Variants in CEP170 observed in about 807,000 individuals in gnomAD.
The protein encoded by CEP170 is centrosomal protein 170.
CEP170 carries 21 observed loss-of-function variants against 151.9 expected under a neutral mutation model. The ratio of observed to expected loss-of-function variants is 0.14; its 90% CI spans 0.10 to 0.20. The LOEUF is 0.20. Among genes scored for constraint, CEP170 ranks in the 10% least tolerant of loss-of-function variants. The probability of loss-of-function intolerance (pLI) is 1.00; values close to 1 mark genes in which losing one functional copy is unlikely to be tolerated. For missense variants in CEP170, 964 were observed against 1,892.9 expected, an observed-to-expected ratio of 0.51 and a Z score of 9.11; for synonymous variants, 356 against 648.8, an observed-to-expected ratio of 0.55 and a Z score of 6.86.
chr1:243,171,694 T>C (rs972367312), intron 11 of CEP170, among the ~76,000 whole-genome samples: 4 of 152,210 alleles, frequency 2.6e-5, no homozygotes, highest in African/African-American at 9.6e-5. Context: ...ATATCATTTC[T>C]GATAAAGGTA....
In CEP170 at chr1:243,164,925, C is replaced by A. The variant is rs1466189731; in HGVS notation, c.3035G>T (p.Ser1012Ile). The change falls in exon 13 of 20, where the codon AGT (serine) becomes ATT (isoleucine). Residue 1012 changes from serine (S) to isoleucine (I), a missense_variant. Transcript: ENST00000366542. ...RADGRKFVQSSGRIRQPSVDL... is the reference protein window; with the variant it reads ...RADGRKFVQSIGRIRQPSVDL... ...TACTGAGGGCTGTCTTATTCTCCCA[C>A]TGGACTGAACAAATTTACGACCATC... 6.2e-7 allele frequency: 1 copy of A among 1,613,762 alleles called. No individual in the cohort carries two copies. The highest frequency in any genetic ancestry group is 8.5e-7 in the Non-Finnish European group (1 of 1,179,754).
chr1:243,249,537 G>A (rs894837693), intron 1 of CEP170, among the ~76,000 whole-genome samples: 1 of 152,184 alleles, frequency 6.6e-6, no homozygotes, highest in African/African-American at 2.4e-5. Context: ...CAGATAAGAT[G>A]TAGGGTGAAA....
intron 13 of CEP170, among the ~76,000 whole-genome samples, chr1:243,161,459 T>C (rs368037027): frequency 2.6e-5 from 4 of 152,182 alleles, no homozygotes; most frequent in Non-Finnish European, 4.4e-5. Flanking sequence ...TTTTATCACA[T>C]ACATTTCTTT....
At chr1:243,178,549 T>G (rs2059407444) in intron 10 of CEP170, among the ~76,000 whole-genome samples, 1 of 152,066 alleles carries the variant, frequency 6.6e-6, no homozygotes, top group Non-Finnish European at 1.5e-5. Context: ...GATCATGAGA[T>G]TTGGTTTTGC....
intron 1 of CEP170, among the ~76,000 whole-genome samples, chr1:243,239,473 A>T (rs917801916): frequency 6.6e-6 from 1 of 152,206 alleles, no homozygotes; most frequent in Admixed American, 6.5e-5. Flanking sequence ...ACATTTATAA[A>T]AGTAAATGTA....
At chr1:243,207,088 A>G (rs538697650) in intron 4 of CEP170, among the ~76,000 whole-genome samples, 14 of 152,366 alleles carry the variant, frequency 9.2e-5, no homozygotes, top group South Asian at 2.1e-4. Flanking sequence ...ATCAATTATC[A>G]CAATAAATGT....
At chr1:243,209,743 G>A (rs1004560233) in intron 4 of CEP170, among the ~76,000 whole-genome samples, 1 of 151,396 alleles carries the variant, frequency 6.6e-6, no homozygotes, top group Non-Finnish European at 1.5e-5. Flanking sequence ...ACAGTGGCAC[G>A]ATCTCGGCTC....
chr1:243,162,672 A>C (rs962081789), intron 13 of CEP170, among the ~76,000 whole-genome samples: 3 of 152,310 alleles, frequency 2.0e-5, no homozygotes, highest in Non-Finnish European at 2.9e-5. Flanking sequence ...TCGAGGAATA[A>C]AACCACATCA....
chr1:243,185,749 T>A lies in CEP170; in HGVS notation c.1566+30A>T. The A allele has an allele frequency of 3.8e-6, 6 of 1,558,472 alleles. No homozygotes were observed. Among genetic ancestry groups the A allele is most frequent in the Non-Finnish European group, 5.2e-6 (6 of 1,154,138 alleles). ...CCAGTCAAATACACCACACAACAAC[T>A]AAGATCACACTCAAATTTCAATTAT... is the stretch of plus-strand genomic sequence containing the variant. On this transcript the variant is annotated intron_variant, in intron 10 of 19. Coordinates refer to ENST00000366542, the MANE Select transcript of CEP170 (RefSeq NM_014812.3). The surrounding 1 kb of genome is among the most constrained non-coding windows in gnomAD (Gnocchi z 4.9).
chr1:243,218,905 G>A (rs2062548558), intron 3 of CEP170, among the ~76,000 whole-genome samples: 2 of 152,048 alleles, frequency 1.3e-5, no homozygotes, highest in African/African-American at 4.8e-5. Context: ...ATCAAAGCTG[G>A]GTTCATAACC....
chr1:243,159,797 G>T (rs1193679877), intron 13 of CEP170, among the ~76,000 whole-genome samples: 2 of 151,316 alleles, frequency 1.3e-5, no homozygotes, highest in Non-Finnish European at 3.0e-5. Context: ...GTGTGTGTGT[G>T]TGTGTTTTTG....
chr1:243,142,763 G>T (rs1467699100), intron 14 of CEP170, among the ~76,000 whole-genome samples: 1 of 152,138 alleles, frequency 6.6e-6, no homozygotes, highest in Non-Finnish European at 1.5e-5. Context: ...CATCACAGGG[G>T]TCTTAAACTT....
chr1:243,246,219 T>C (rs1400884681), intron 1 of CEP170, among the ~76,000 whole-genome samples: 2 of 150,578 alleles, frequency 1.3e-5, no homozygotes, highest in Non-Finnish European at 3.0e-5. Context: ...CATTACAGTG[T>C]TGTTTACTTT....
At chr1:243,146,593 T>C (rs1391301976) in intron 14 of CEP170, among the ~76,000 whole-genome samples, 1 of 152,002 alleles carries the variant, frequency 6.6e-6, no homozygotes, top group Non-Finnish European at 1.5e-5. Flanking sequence ...TTCTAAGTGA[T>C]TACTCACTCA....
chr1:243,227,619 A>T (rs2063407720), intron 1 of CEP170, among the ~76,000 whole-genome samples: 1 of 152,198 alleles, frequency 6.6e-6, no homozygotes, highest in Non-Finnish European at 1.5e-5. Flanking sequence ...ACAAACAAAC[A>T]AACTCAGGAG....
intron 7 of CEP170, among the ~76,000 whole-genome samples, chr1:243,198,082 A>C (rs2060780457): frequency 6.6e-6 from 1 of 152,108 alleles, no homozygotes; most frequent in African/African-American, 2.4e-5. Flanking sequence ...AAAAGTGAGA[A>C]GAGTTCTCAT....
chr1:243,176,599 A>C (rs1448392755), intron 10 of CEP170: 1 of 200,586 alleles, frequency 5.0e-6, no homozygotes, highest in East Asian at 1.2e-4. Context: ...TTTTCTTCTG[A>C]ATACATTTGT....
intron 7 of CEP170, 99 bp downstream of exon 7, chr1:243,198,961 T>C (rs2060838709): frequency 1.2e-6 from 1 of 846,606 alleles, no homozygotes; most frequent in Non-Finnish European, 1.8e-6. Context: ...AAGTATAGAA[T>C]ACTAGATCAT....
chr1:243,179,114 A>C (rs1400321695), intron 10 of CEP170, among the ~76,000 whole-genome samples: 5 of 152,016 alleles, frequency 3.3e-5, no homozygotes, highest in Non-Finnish European at 7.4e-5. Context: ...TCTCCCCATT[A>C]CTTAGAAGTC....
Sources: gnomAD v4.1 joint callset for allele counts (sites outside exome capture counted in the v4.1 genomes callset) on GRCh38, gnomAD v4.1.1 for gene constraint, Gnocchi (gnomAD v3.1) non-coding constraint, MANE v1.5 for transcripts, NCBI Gene and HGNC (gene_info 2026-07-23, HGNC 2026-07-21) for gene names.